The following KCND2 variants were observed in gnomAD, a reference collection of about 807,000 sequenced individuals.
KCND2 encodes the protein A-type voltage-gated potassium channel KCND2.
A neutral mutation model predicts 54.4 loss-of-function variants in KCND2; 16 were observed. That is an observed-to-expected ratio of 0.29 (90% CI 0.20 to 0.45). KCND2 has a LOEUF of 0.45. Among genes scored for constraint, KCND2 ranks in the 20% least tolerant of loss-of-function variants. The probability of loss-of-function intolerance (pLI) is 1.00; values close to 1 mark genes in which losing one functional copy is unlikely to be tolerated. For synonymous variants in KCND2, 317 were observed against 310.7 expected (o/e 1.02, Z -0.21); for missense variants, 486 against 824.2 (o/e 0.59, Z 5.02).
intron 1 of KCND2, among the ~76,000 whole-genome samples, chr7:120,599,632 G>A (rs1448076716): frequency 6.6e-6 from 1 of 151,964 alleles, no homozygotes; most frequent in Non-Finnish European, 1.5e-5. Context: ...TTTCTTGCAA[G>A]TATACAAAAA....
chr7:120,490,989 G>A (rs1262624802), intron 1 of KCND2, among the ~76,000 whole-genome samples: 1 of 152,114 alleles, frequency 6.6e-6, no homozygotes, highest in Non-Finnish European at 1.5e-5. Flanking sequence ...TGAATGATTA[G>A]TGACTGCTAA....
chr7:120,492,863 C>T (rs1474631666), intron 1 of KCND2, among the ~76,000 whole-genome samples: 2 of 152,004 alleles, frequency 1.3e-5, no homozygotes, highest in Admixed American at 6.6e-5. Context: ...TATTGATGAT[C>T]ATATTTAATT....
chr7:120,329,073 T>C (rs1233619236), intron 1 of KCND2, among the ~76,000 whole-genome samples: 1 of 152,076 alleles, frequency 6.6e-6, no homozygotes, highest in Non-Finnish European at 1.5e-5. Flanking sequence ...AATAACATTT[T>C]GTGGAAAGAT....
intron 1 of KCND2, among the ~76,000 whole-genome samples, chr7:120,555,681 T>C (rs1792155295): frequency 6.6e-6 from 1 of 152,188 alleles, no homozygotes; most frequent in Non-Finnish European, 1.5e-5. Flanking sequence ...CATATTTAAA[T>C]AGGTACACAG....
At chr7:120,352,563 C>G (rs1800430651) in intron 1 of KCND2, among the ~76,000 whole-genome samples, 1 of 151,432 alleles carries the variant, frequency 6.6e-6, no homozygotes, top group African/African-American at 2.4e-5. Flanking sequence ...TTCATAAAGC[C>G]TACTTATGGG....
intron 1 of KCND2, among the ~76,000 whole-genome samples, chr7:120,590,829 T>G (rs1382185925): frequency 5.3e-5 from 8 of 152,228 alleles, no homozygotes; most frequent in Non-Finnish European, 4.4e-5. Context: ...TAGTTTCAGT[T>G]GTATTCATTA....
intron 1 of KCND2, among the ~76,000 whole-genome samples, chr7:120,436,104 G>A (rs1194648280): frequency 6.6e-6 from 1 of 152,088 alleles, no homozygotes; most frequent in African/African-American, 2.4e-5. Context: ...AGATTTTAAA[G>A]CTTTATTTTT....
At chr7:120,688,253 T>C (rs974230426) in intron 1 of KCND2, among the ~76,000 whole-genome samples, 6 of 152,176 alleles carry the variant, frequency 3.9e-5, no homozygotes, top group Non-Finnish European at 7.3e-5. Flanking sequence ...ATATAGTAAA[T>C]ATTTTCACTT....
chr7:120,344,326 T>G (rs1584739460), intron 1 of KCND2, among the ~76,000 whole-genome samples: 1 of 152,272 alleles, frequency 6.6e-6, no homozygotes, highest in Non-Finnish European at 1.5e-5. Context: ...GAACAGATAT[T>G]GTAGTAATGA....
chr7:120,438,238 T>C (rs1273589262), intron 1 of KCND2, among the ~76,000 whole-genome samples: 1 of 152,164 alleles, frequency 6.6e-6, no homozygotes, highest in Non-Finnish European at 1.5e-5. Context: ...TCTCACAACA[T>C]AGATAGTATT....
intron 1 of KCND2, among the ~76,000 whole-genome samples, chr7:120,570,632 T>C (rs1792353940): frequency 6.6e-6 from 1 of 152,194 alleles, no homozygotes; most frequent in South Asian, 2.1e-4. Context: ...CATCATATCC[T>C]CTTCTATACC....
At chr7:120,546,155 C>T (rs1286204271) in intron 1 of KCND2, among the ~76,000 whole-genome samples, 2 of 151,754 alleles carry the variant, frequency 1.3e-5, no homozygotes, top group Non-Finnish European at 3.0e-5. Context: ...TCTGTCTACC[C>T]CTCCATGGGA....
At chr7:120,280,969 A>T (rs548293144) in intron 1 of KCND2, among the ~76,000 whole-genome samples, 1 of 152,130 alleles carries the variant, frequency 6.6e-6, no homozygotes, top group Non-Finnish European at 1.5e-5. Context: ...TTATTCAAAC[A>T]GCACTGGGGT....
intron 1 of KCND2, among the ~76,000 whole-genome samples, chr7:120,452,764 C>T (rs180693662): frequency 3.5e-4 from 54 of 152,262 alleles, no homozygotes; most frequent in African/African-American, 1.2e-3. Flanking sequence ...GGTGTGTCAA[C>T]GTTAGCAGTG....
At chr7:120,292,401 C>T (rs896903654) in intron 1 of KCND2, among the ~76,000 whole-genome samples, 2 of 151,800 alleles carry the variant, frequency 1.3e-5, no homozygotes, top group African/African-American at 4.8e-5. Context: ...ATCATATTTA[C>T]TTAAATTTAG....
intron 1 of KCND2, among the ~76,000 whole-genome samples, chr7:120,559,454 C>T (rs1792206987): frequency 6.6e-6 from 1 of 152,132 alleles, no homozygotes; most frequent in Non-Finnish European, 1.5e-5. Flanking sequence ...AGCGAAGCTT[C>T]TGAAGATCAT....
At chr7:120,527,975 G>A (rs892408219) in intron 1 of KCND2, among the ~76,000 whole-genome samples, 1 of 152,118 alleles carries the variant, frequency 6.6e-6, no homozygotes, top group Non-Finnish European at 1.5e-5. Flanking sequence ...TGACCTAATT[G>A]TGGAAACTGA....
chr7:120,454,210 G>C (rs1007799711), intron 1 of KCND2, among the ~76,000 whole-genome samples: 2 of 151,788 alleles, frequency 1.3e-5, no homozygotes, highest in African/African-American at 4.8e-5. Context: ...ACAAAAATCA[G>C]AGCTGAATTG....
chr7:120,596,942 A>G (rs187968527), intron 1 of KCND2, among the ~76,000 whole-genome samples: 1 of 152,246 alleles, frequency 6.6e-6, no homozygotes, highest in Non-Finnish European at 1.5e-5. Flanking sequence ...ATATATATCG[A>G]TTTCACAGGA....
Sources: allele counts gnomAD v4.1 joint callset (sites outside exome capture counted in the v4.1 genomes callset), GRCh38; gene constraint gnomAD v4.1.1; transcripts MANE v1.5; gene names NCBI Gene and HGNC (gene_info 2026-07-23, HGNC 2026-07-21).